CCSER1: variants seen among roughly 807,000 people sequenced by gnomAD.
The protein encoded by CCSER1 is coiled-coil serine rich protein 1.
In CCSER1, 41 loss-of-function variants were observed where a neutral mutation model predicts 82.0. The observed-to-expected ratio is 0.50, with a 90% CI of 0.39 to 0.65. The LOEUF is 0.65. Among genes scored for constraint, CCSER1 ranks in the 30% least tolerant of loss-of-function variants. CCSER1 has a pLI of 0.00. For missense variants in CCSER1, 1,119 were observed against 1,064.2 expected, an observed-to-expected ratio of 1.05 and a Z score of -0.72; for synonymous variants, 414 against 383.9, an observed-to-expected ratio of 1.08 and a Z score of -0.92.
chr4:90,627,987 T>C (rs1723628075), intron 5 of CCSER1, 38 bp from the exon 6 acceptor site: 1 of 1,516,820 alleles, frequency 6.6e-7, no homozygotes, highest in Non-Finnish European at 9.1e-7. Context: ...CTAAGCATGC[T>C]GCACTGTAAT....
chr4:91,511,123 G>A (rs1485322860), intron 10 of CCSER1, among the ~76,000 whole-genome samples: 2 of 151,766 alleles, frequency 1.3e-5, no homozygotes, highest in East Asian at 1.9e-4. Context: ...TTATTTTGTT[G>A]AAGCGCAGTT....
chr4:91,579,027 C>A (rs1344117151), intron 10 of CCSER1, among the ~76,000 whole-genome samples: 2 of 151,652 alleles, frequency 1.3e-5, no homozygotes, highest in South Asian at 2.1e-4. Context: ...TTTCCTGCAG[C>A]CCGGTTAGCT....
At chr4:90,798,712 T>C (rs1175204284) in intron 7 of CCSER1, among the ~76,000 whole-genome samples, 1 of 152,216 alleles carries the variant, frequency 6.6e-6, no homozygotes. Context: ...TTACGTGGAT[T>C]CAACTGACTG....
At chr4:90,501,578 C>G (rs1465218352) in intron 5 of CCSER1, among the ~76,000 whole-genome samples, 1 of 152,154 alleles carries the variant, frequency 6.6e-6, no homozygotes, top group East Asian at 1.9e-4. Flanking sequence ...TCTATGCTCA[C>G]AGTGGGAAAA....
At chr4:91,579,205 T>C (rs1284547975) in intron 10 of CCSER1, among the ~76,000 whole-genome samples, 1 of 151,588 alleles carries the variant, frequency 6.6e-6, no homozygotes. Flanking sequence ...GGAATACATA[T>C]TTTTGTTTGT....
At chr4:90,967,127 G>T (rs959119425) in intron 9 of CCSER1, among the ~76,000 whole-genome samples, 2 of 151,962 alleles carry the variant, frequency 1.3e-5, no homozygotes, top group Non-Finnish European at 2.9e-5. Context: ...TTCAACAAGT[G>T]TGCCAATACA....
At chr4:90,789,851 T>A (rs2149654030) in intron 7 of CCSER1, among the ~76,000 whole-genome samples, 1 of 152,294 alleles carries the variant, frequency 6.6e-6, no homozygotes, top group Non-Finnish European at 1.5e-5. Flanking sequence ...ATCAGCAGCG[T>A]GAAAATGGAC....
At chr4:91,075,906 G>A (rs183105594) in intron 9 of CCSER1, among the ~76,000 whole-genome samples, 1 of 152,036 alleles carries the variant, frequency 6.6e-6, no homozygotes, top group African/African-American at 2.4e-5. Context: ...GATTGTGCAT[G>A]TTTCCTAGCA....
In CCSER1 at chr4:90,530,817, C is replaced by T. The variant is rs528273349; in HGVS notation, c.1724+62463C>T. ...CTGCTCCTGGCTTCTGCAGCTATTT[C>T]GGCAGTTTCCTTTTGCTAGTCACAT... On this transcript the variant is annotated intron_variant, in intron 5 of 10. Transcript: ENST00000509176. Among the ~76,000 whole-genome samples, 10 of 152,198 alleles carry T rather than the reference C, an allele frequency of 6.6e-5. No homozygotes were observed. The East Asian group carries it at 1.7e-3, about 27-fold the overall frequency.
chr4:90,442,204 ACT>A (rs778154688), intron 4 of CCSER1, among the ~76,000 whole-genome samples: 1 of 152,120 alleles, frequency 6.6e-6, no homozygotes, highest in Non-Finnish European at 1.5e-5. Flanking sequence ...TAAATTGGAA[ACT>A]CAACAAAAAA....
chr4:90,900,392 T>G (rs1167636567), intron 8 of CCSER1, among the ~76,000 whole-genome samples: 1 of 151,984 alleles, frequency 6.6e-6, no homozygotes, highest in Non-Finnish European at 1.5e-5. Flanking sequence ...CAATTTTGTT[T>G]ATCCTTTTAA....
intron 10 of CCSER1, among the ~76,000 whole-genome samples, chr4:91,289,083 A>C (rs1292435512): frequency 6.6e-6 from 1 of 151,904 alleles, no homozygotes; most frequent in African/African-American, 2.4e-5. Flanking sequence ...ATCAGGAAAA[A>C]CCCTATGACA....
chr4:91,303,625 AAAGAATAAT>A (rs1744831602), intron 10 of CCSER1, among the ~76,000 whole-genome samples: 1 of 151,764 alleles, frequency 6.6e-6, no homozygotes, highest in South Asian at 2.1e-4. Flanking sequence ...ATCTCTACAA[AAAGAATAAT>A]AATAATAATA....
intron 1 of CCSER1, among the ~76,000 whole-genome samples, chr4:90,267,091 T>C (rs1438039606): frequency 6.6e-6 from 1 of 152,042 alleles, no homozygotes; most frequent in East Asian, 1.9e-4. Context: ...AGGCCTACCC[T>C]GGGCCAGAGG....
At chr4:91,318,304 A>C (rs1338139745) in intron 10 of CCSER1, among the ~76,000 whole-genome samples, 1 of 152,026 alleles carries the variant, frequency 6.6e-6, no homozygotes, top group Non-Finnish European at 1.5e-5. Context: ...TAAAGTAAAT[A>C]ATTTTTATAA....
In CCSER1 at chr4:90,923,417, A is replaced by G. The variant is rs751699050; in HGVS notation, c.2142A>G (p.Lys714=). ...AGGCTTTTGCTTCAAGAGTAGATAA[A>G]TCCACACAGACTGAACTACTATGCT... ...LQKAFASRVD[K]STQTELLCYD... is the part of the protein sequence containing the mutation. Residue 714 remains lysine (K), a synonymous_variant, in exon 9 of 11, where the codon AAA becomes AAG. Transcript: ENST00000509176. 7 of 1,551,422 alleles carry G rather than the reference A, an allele frequency of 4.5e-6. No individual in the cohort carries two copies. In the South Asian group the frequency reaches 8.3e-5, roughly 18 times the overall value.
At chr4:90,949,154 C>T (rs1249133519) in intron 9 of CCSER1, among the ~76,000 whole-genome samples, 1 of 151,908 alleles carries the variant, frequency 6.6e-6, no homozygotes, top group East Asian at 1.9e-4. Flanking sequence ...CTACTTGGTG[C>T]TTTTTGATAT....
At position 90,989,769 on chromosome 4, in the gene CCSER1, T is replaced by C. The variant is rs182443186; in HGVS notation, c.2172+66322T>C. Among the ~76,000 whole-genome samples, 572 of 151,740 alleles carry C rather than the reference T, an allele frequency of 3.8e-3. 5 individuals carry two copies. The highest frequency in any genetic ancestry group is 0.013 in the African/African-American group (545 of 41,406). On this transcript the variant is annotated intron_variant, in intron 9 of 10. Transcript: ENST00000509176. ...GCAAAAGCTCCCTGAGTGACTCTAA[T>C]CTTTAGCAGTGTTGAAAACCACTAA...
At chr4:91,351,114 T>A (rs1748440307) in intron 10 of CCSER1, among the ~76,000 whole-genome samples, 1 of 152,108 alleles carries the variant, frequency 6.6e-6, no homozygotes, top group South Asian at 2.1e-4. Flanking sequence ...CCTCTGTTTG[T>A]TTAATTTCAT....
Sources: gnomAD v4.1 joint callset for allele counts (sites outside exome capture counted in the v4.1 genomes callset) on GRCh38, gnomAD v4.1.1 for gene constraint, MANE v1.5 for transcripts, NCBI Gene and HGNC (gene_info 2026-07-23, HGNC 2026-07-21) for gene names.